The following ADAM19 variants were observed in gnomAD, a reference collection of about 807,000 sequenced individuals.
ADAM19 encodes ADAM metallopeptidase domain 19, also known as disintegrin and metalloproteinase domain-containing protein 19.
ADAM19 carries 65 observed loss-of-function variants against 114.7 expected under a neutral mutation model. The observed-to-expected ratio is 0.57, with a 90% CI of 0.46 to 0.70. The LOEUF (loss-of-function observed/expected upper bound fraction) is 0.70, where lower values mean the gene tolerates loss of function less well. Ranked by LOEUF, ADAM19 falls within the 30% of genes least tolerant of loss-of-function variation. The pLI, the probability that ADAM19 is intolerant of heterozygous loss-of-function variation, is 0.00. For synonymous variants in ADAM19, 466 were observed against 460.5 expected, an observed-to-expected ratio of 1.01 and a Z score of -0.15; for missense variants, 1,063 against 1,204.7, an observed-to-expected ratio of 0.88 and a Z score of 1.74.
chr5:157,516,935 A>AAC (rs10570308), intron 7 of ADAM19, among the ~76,000 whole-genome samples: 31,917 of 150,196 alleles, frequency 0.21, 3,463 homozygotes, highest in Middle Eastern at 0.34. Context: ...GAAAACATAG[A>AAC]ACACACACAC....
chr5:157,528,296 A>T (rs1259973616), intron 5 of ADAM19, among the ~76,000 whole-genome samples: 1 of 152,204 alleles, frequency 6.6e-6, no homozygotes, highest in African/African-American at 2.4e-5. Flanking sequence ...ACAGAAACAC[A>T]CGGACAGCTC....
chr5:157,479,602 A>G lies in ADAM19; in HGVS notation c.*1347T>C, dbSNP rs563475572. 1.0e-6 allele frequency: 1 copy of G among 985,842 alleles called. No individual in the cohort carries two copies. The highest frequency in any genetic ancestry group is 1.7e-5 in the African/African-American group (1 of 57,326). The allele number at this position is 985,842 out of a possible 1,614,324, so 61.1% of individuals were successfully genotyped here. On this transcript the variant is annotated 3_prime_UTR_variant, in exon 23 of 23. Coordinates refer to ENST00000257527, the MANE Select transcript of ADAM19 (RefSeq NM_033274.5). Reference sequence around the variant, plus strand: ...GACAGGAGCCACCGCAGACCCCCTCACCTGCTCAGAGCTCTCTTTCTGTGA... The same window carrying G: ...GACAGGAGCCACCGCAGACCCCCTCGCCTGCTCAGAGCTCTCTTTCTGTGA...
At chr5:157,562,115 T>A (rs1757525835) in intron 3 of ADAM19, among the ~76,000 whole-genome samples, 1 of 152,180 alleles carries the variant, frequency 6.6e-6, no homozygotes, top group Non-Finnish European at 1.5e-5. Flanking sequence ...GCACGCACCA[T>A]GAATGAGAAG....
chr5:157,489,236 G>A, intron 19 of ADAM19, 50 bp from the exon 20 acceptor site: 1 of 1,375,328 alleles, frequency 7.3e-7, no homozygotes, highest in East Asian at 2.3e-5. Flanking sequence ...TGTTCAGCAG[G>A]GGACAGTGCC....
At chr5:157,545,288 T>C (rs12653836) in intron 3 of ADAM19, among the ~76,000 whole-genome samples, 1 of 152,076 alleles carries the variant, frequency 6.6e-6, no homozygotes, top group African/African-American at 2.4e-5. Flanking sequence ...AGATAAACAG[T>C]GGCCCAACTT....
intron 2 of ADAM19, among the ~76,000 whole-genome samples, chr5:157,564,802 C>T (rs1054307924): frequency 2.0e-5 from 3 of 152,152 alleles, no homozygotes; most frequent in South Asian, 2.1e-4. Context: ...TGTGTGAAGT[C>T]GGACATGTTG....
intron 4 of ADAM19, among the ~76,000 whole-genome samples, chr5:157,535,708 C>G (rs541952783): frequency 6.6e-6 from 1 of 152,360 alleles, no homozygotes; most frequent in African/African-American, 2.4e-5. Flanking sequence ...GCACAAAGAA[C>G]AAGTCAAGGA....
Position 157,477,707 on chromosome 5 carries a change from GTT to G in ADAM19, c.*3240_*3241del, listed in dbSNP as rs1471484318. 1 of 1,289,664 alleles carries G rather than the reference GTT, an allele frequency of 7.8e-7. No individual in the cohort carries two copies. The highest frequency in any genetic ancestry group is 2.3e-5 in the Admixed American group (1 of 43,542). 79.9% of individuals were successfully genotyped at this position (1,289,664 alleles called of 1,614,324 possible). A position where few individuals can be genotyped will look rare whatever the true frequency, so the allele number is the denominator to read the frequency against. On this transcript the variant is annotated 3_prime_UTR_variant, in exon 23 of 23. Transcript: ENST00000257527. ...TTACTGACTTTGGAACTGGTCCCCA[GTT>G]TTCAAATTGCAAGTCTTCCATACCC...
At chr5:157,557,739 G>A (rs745779465) in intron 3 of ADAM19, among the ~76,000 whole-genome samples, 4 of 152,162 alleles carry the variant, frequency 2.6e-5, no homozygotes, top group Admixed American at 6.5e-5. Flanking sequence ...TCTTCACCTG[G>A]TGGAAAAGGT....
chr5:157,549,423 A>G (rs1757131066), intron 3 of ADAM19, among the ~76,000 whole-genome samples: 1 of 152,218 alleles, frequency 6.6e-6, no homozygotes, highest in African/African-American at 2.4e-5. Context: ...GTAGCACTAC[A>G]GTTTTAGGTT....
At chr5:157,481,215 CA>C (rs1754735903) in intron 22 of ADAM19, 1 of 630,384 alleles carries the variant, frequency 1.6e-6, no homozygotes, top group African/African-American at 1.8e-5. Context: ...GCTGACCAGC[CA>C]CCCCTCCCTC....
In ADAM19 at chr5:157,519,899, C is replaced by T. The variant is rs943229285; in HGVS notation, c.540G>A (p.Lys180=). ...PPGNCGFEHS[K]PTTRDWALQF... ...GAAGAGCCCAGTCCCTGGTGGTGGG[C>T]TTGGAGTGCTCGAACCCACAGTTTC... The change falls in exon 6 of 23, where the codon AAG becomes AAA. Residue 180 remains lysine (K), a synonymous_variant. Coordinates refer to ENST00000257527, the MANE Select transcript of ADAM19 (RefSeq NM_033274.5). 9 of 1,613,934 alleles carry T rather than the reference C, an allele frequency of 5.6e-6. No homozygotes were observed. Among genetic ancestry groups the T allele is most frequent in the African/African-American group, 1.3e-5 (1 of 74,860 alleles).
rs1383386193 is a variant in ADAM19 at position 157,493,059 on chromosome 5, T to C, written c.1822A>G (p.Thr608Ala). The C allele has an allele frequency of 6.2e-7, 1 of 1,614,224 alleles. No individual in the cohort carries two copies. Among genetic ancestry groups the C allele is most frequent in the South Asian group, 1.1e-5 (1 of 91,086 alleles). ...MNGRQIQCRG[T>A]HVYRGPEEEG... ...TCCTCAGGACCTCGGTAGACGTGGG[T>C]GCCCCGGCACTGGATCTGCCTCCCA... Residue 608 changes from threonine to alanine, a missense_variant, in exon 16 of 23, where the codon ACC becomes GCC. Around this residue, in one of 3 missense-constraint regions of ADAM19, gnomAD observed 424 missense variants for 445.5 expected, o/e 0.95. Coordinates refer to ENST00000257527, the MANE Select transcript of ADAM19 (RefSeq NM_033274.5).
chr5:157,558,483 C>T (rs1398837816), intron 3 of ADAM19, among the ~76,000 whole-genome samples: 1 of 152,178 alleles, frequency 6.6e-6, no homozygotes, highest in South Asian at 2.1e-4. Flanking sequence ...GTCTATGACT[C>T]ATTTAAATGC....
chr5:157,564,574 C>T, intron 2 of ADAM19, 131 bp from the exon 3 acceptor site: 1 of 768,124 alleles, frequency 1.3e-6, no homozygotes, highest in Admixed American at 2.0e-5. Flanking sequence ...AATTGCATTT[C>T]CAGCCCACAT....
chr5:157,517,467 G>T (rs4331881), intron 7 of ADAM19, among the ~76,000 whole-genome samples: 63,894 of 152,080 alleles, frequency 0.42, 14,550 homozygotes, highest in African/African-American at 0.6. Context: ...GGAGGTAACA[G>T]CTGGCTAATT....
rs542650007 is a variant in ADAM19, at chr5:157,478,602, A to T, written c.*2347T>A. On this transcript the variant is annotated 3_prime_UTR_variant, in exon 23 of 23. Transcript: ENST00000257527. Reference sequence around the variant, plus strand: ...TACTGGGCACTGGAAAGAAAAGGGGATGCATAATGGCCAGTCTTCCTCCTG... The same window carrying T: ...TACTGGGCACTGGAAAGAAAAGGGGTTGCATAATGGCCAGTCTTCCTCCTG... The T allele has an allele frequency of 9.1e-6, 9 of 985,788 alleles. No individual in the cohort carries two copies. In the South Asian group the frequency reaches 3.8e-4, roughly 41 times the overall value. The allele number at this position is 985,788 out of a possible 1,614,324, so 61.1% of individuals were successfully genotyped here. A position where few individuals can be genotyped will look rare whatever the true frequency, so the allele number is the denominator to read the frequency against.
rs1754681857 is a variant in ADAM19, at chr5:157,479,386, C to G, written c.*1563G>C. The G allele has an allele frequency of 1.0e-6, 1 of 986,018 alleles. No homozygotes were observed. The highest frequency in any genetic ancestry group is 6.1e-5 in the Admixed American group (1 of 16,278). The allele number at this position is 986,018 out of a possible 1,614,324, so 61.1% of individuals were successfully genotyped here. On this transcript the variant is annotated 3_prime_UTR_variant, in exon 23 of 23. Coordinates refer to ENST00000257527, the MANE Select transcript of ADAM19 (RefSeq NM_033274.5). ...TGAGGTTTTCAAGAGCAAACAATTG[C>G]TCATGGCAGGATGGGAGGAGGCCCC...
chr5:157,561,521 A>C (rs1462473121), intron 3 of ADAM19, among the ~76,000 whole-genome samples: 2 of 152,158 alleles, frequency 1.3e-5, no homozygotes, highest in Non-Finnish European at 2.9e-5. Flanking sequence ...CTGAGAATCC[A>C]GTGTATGGGG....
Sources: gnomAD v4.1 joint callset for allele counts (sites outside exome capture counted in the v4.1 genomes callset) on GRCh38, gnomAD v4.1.1 for gene constraint, gnomAD v4.1.1 regional missense constraint, MANE v1.5 for transcripts, NCBI Gene and HGNC (gene_info 2026-07-23, HGNC 2026-07-21) for gene names.